Variants in LY75 observed in about 807,000 individuals in gnomAD.
LY75 encodes lymphocyte antigen 75.
LY75 carries 185 observed loss-of-function variants against 231.7 expected under a neutral mutation model. That is an observed-to-expected ratio of 0.80 (90% CI 0.71 to 0.90). The LOEUF (loss-of-function observed/expected upper bound fraction) is 0.90, where lower values mean the gene tolerates loss of function less well. Among genes scored for constraint, LY75 ranks in the 40% least tolerant of loss-of-function variants. LY75 has a pLI of 0.00. For missense variants in LY75, 1,947 were observed against 2,050.2 expected (o/e 0.95, Z 0.97); for synonymous variants, 668 against 689.0 (o/e 0.97, Z 0.48).
Position 159,890,194 on chromosome 2 carries a change from A to G in LY75, c.802+19T>C. 6.2e-7 allele frequency: 1 copy of G among 1,604,314 alleles called. No homozygotes were observed. Among genetic ancestry groups the G allele is most frequent in the Non-Finnish European group, 8.5e-7 (1 of 1,175,764 alleles). On this transcript the variant is annotated intron_variant, in intron 4 of 34. Coordinates refer to ENST00000263636, the MANE Select transcript of LY75 (RefSeq NM_002349.4). Reference sequence around the variant, plus strand: ...ACAATTTTAGCCAATTTGCTCTATCACATGCAAATAAAATCTACCTTTAAG... The same window carrying G: ...ACAATTTTAGCCAATTTGCTCTATCGCATGCAAATAAAATCTACCTTTAAG...
chr2:159,886,170 G>A (rs1296736457), intron 5 of LY75, among the ~76,000 whole-genome samples: 1 of 152,106 alleles, frequency 6.6e-6, no homozygotes, highest in African/African-American at 2.4e-5. Context: ...AGCTCATTTT[G>A]CTCTTACATA....
At chr2:159,861,725 G>T (rs912776247) in intron 14 of LY75, among the ~76,000 whole-genome samples, 2 of 152,118 alleles carry the variant, frequency 1.3e-5, no homozygotes, top group East Asian at 3.8e-4. Context: ...GTGACACAGT[G>T]AGACTCTGTC....
At chr2:159,833,154 G>A (rs1225179082) in intron 27 of LY75, among the ~76,000 whole-genome samples, 2 of 138,698 alleles carry the variant, frequency 1.4e-5, no homozygotes, top group Non-Finnish European at 3.0e-5. Context: ...TTTGGAGATA[G>A]GGTCACCTGT....
intron 23 of LY75, among the ~76,000 whole-genome samples, 184 bp from the exon 24 acceptor site, chr2:159,842,558 T>C (rs939736421): frequency 5.3e-5 from 8 of 152,062 alleles, no homozygotes; most frequent in African/African-American, 1.9e-4. Flanking sequence ...GCAATTAACT[T>C]TATAAAAAAC....
At chr2:159,814,524 A>C (rs1488051691) in intron 31 of LY75, among the ~76,000 whole-genome samples, 1 of 151,778 alleles carries the variant, frequency 6.6e-6, no homozygotes, top group Non-Finnish European at 1.5e-5. Context: ...GTGTGGTGGC[A>C]TGTGTATGTG....
At chr2:159,879,473 A>G (rs1685372614) in intron 8 of LY75, 104 bp from the exon 9 acceptor site, 2 of 1,475,412 alleles carry the variant, frequency 1.4e-6, no homozygotes, top group Non-Finnish European at 1.8e-6. Context: ...AGAGAAATGA[A>G]TATAAGTGAA....
At chr2:159,860,767 A>C (rs1445489245) in intron 15 of LY75, 54 bp downstream of exon 15, 1 of 1,599,256 alleles carries the variant, frequency 6.3e-7, no homozygotes, top group African/African-American at 1.3e-5. Flanking sequence ...ACTTGACTGC[A>C]TATGATGATG....
intron 3 of LY75, among the ~76,000 whole-genome samples, chr2:159,891,261 A>C (rs1182922238): frequency 6.6e-6 from 1 of 152,210 alleles, no homozygotes; most frequent in Admixed American, 6.5e-5. Context: ...CTTATTTAAC[A>C]GACAGGAACA....
intron 3 of LY75, among the ~76,000 whole-genome samples, chr2:159,890,610 A>G (rs1217200099): frequency 1.3e-5 from 2 of 152,054 alleles, no homozygotes; most frequent in African/African-American, 2.4e-5. Flanking sequence ...TTCTCCTTTT[A>G]TCCCTATCAA....
At chr2:159,821,414 G>A (rs1301311561) in intron 28 of LY75, among the ~76,000 whole-genome samples, 2 of 151,810 alleles carry the variant, frequency 1.3e-5, no homozygotes, top group African/African-American at 4.8e-5. Context: ...TCAGGAGTTC[G>A]AGACCAGCCT....
Position 159,806,210 on chromosome 2 carries a change from C to CA in LY75, c.4990+762dup, listed in dbSNP as rs144887252. Among the ~76,000 whole-genome samples the CA allele has an allele frequency of 3.6e-3, 554 of 152,216 alleles. 8 individuals are homozygous for CA. The highest frequency in any genetic ancestry group is 0.013 in the African/African-American group (535 of 41,526). On this transcript the variant is annotated intron_variant, in intron 34 of 34. Coordinates refer to ENST00000263636, the MANE Select transcript of LY75 (RefSeq NM_002349.4). ...GACCTGTTTACTTATCTTTCTTCAC[C>CA]AGATTGTAATCTCTGTGAGAACAGG...
chr2:159,862,757 G>A (rs1319555593), intron 14 of LY75, among the ~76,000 whole-genome samples: 1 of 152,096 alleles, frequency 6.6e-6, no homozygotes, highest in African/African-American at 2.4e-5. Context: ...ATTGTGGACT[G>A]ACTAAATTTA....
At chr2:159,852,910 C>T (rs1361532182) in intron 20 of LY75, among the ~76,000 whole-genome samples, 2 of 152,070 alleles carry the variant, frequency 1.3e-5, no homozygotes, top group Non-Finnish European at 2.9e-5. Context: ...CCATACCATC[C>T]CAGGGTGAAG....
chr2:159,872,529 G>T lies in LY75; in HGVS notation c.2039C>A (p.Ala680Asp). ...GAAGCTAGAAAGGTGTGCTCCAAGG[G>T]CTTGGCAGAATCGTTCAGCTTCTTC... The part of the protein sequence containing the change: ...NWEEAERFCQ[A>D]LGAHLSSFSH... Residue 680 changes from alanine to aspartate, a missense_variant, in exon 13 of 35, where the codon GCC becomes GAC. Ala to Asp is a moderately radical substitution (Grantham distance 126, BLOSUM62 -2). Coordinates refer to ENST00000263636, the MANE Select transcript of LY75 (RefSeq NM_002349.4). 2 of 1,613,950 alleles carry T rather than the reference G, an allele frequency of 1.2e-6. No individual in the cohort carries two copies. The highest frequency in any genetic ancestry group is 8.5e-7 in the Non-Finnish European group (1 of 1,179,928).
At chr2:159,884,344 T>A (rs569638893) in intron 6 of LY75, among the ~76,000 whole-genome samples, 1 of 152,154 alleles carries the variant, frequency 6.6e-6, no homozygotes, top group African/African-American at 2.4e-5. Context: ...GAGGATGTAA[T>A]TAAATACCAG....
chr2:159,862,401 T>G (rs1684735215), intron 14 of LY75, among the ~76,000 whole-genome samples: 1 of 151,778 alleles, frequency 6.6e-6, no homozygotes, highest in African/African-American at 2.4e-5. Flanking sequence ...AAGGTTGTAG[T>G]GAGTTGAGAT....
intron 23 of LY75, among the ~76,000 whole-genome samples, chr2:159,848,093 T>TATATATACACACACACACACACAC: frequency 3.5e-4 from 10 of 28,554 alleles, no homozygotes; most frequent in African/African-American, 5.5e-4. Flanking sequence ...TATATATATA[T>TATATATACACACACACACACACAC]ACACACACAC....
chr2:159,842,071 A>G (rs1351283673), intron 24 of LY75, among the ~76,000 whole-genome samples, 174 bp downstream of exon 24: 2 of 152,086 alleles, frequency 1.3e-5, no homozygotes, highest in African/African-American at 2.4e-5. Flanking sequence ...TACAGGGGGT[A>G]CATGTGTAGG....
In LY75 at chr2:159,875,251, G is replaced by C. The variant is rs2271378; in HGVS notation, c.1974+193C>G. Among the ~76,000 whole-genome samples, 2,282 of 151,924 alleles carry C rather than the reference G, an allele frequency of 0.015. 108 individuals are homozygous for C. In the East Asian group the frequency reaches 0.16, roughly 11 times the overall value. On this transcript the variant is annotated intron_variant, in intron 12 of 34. Transcript: ENST00000263636. ...GCTTTGGGCCTGCCCTTTCAGGTAG[G>C]ACACGTGCAGGGTGTGGGGCTGAGG...
Sources: gnomAD v4.1 joint callset for allele counts (sites outside exome capture counted in the v4.1 genomes callset) on GRCh38, gnomAD v4.1.1 for gene constraint, MANE v1.5 for transcripts, NCBI Gene and HGNC (gene_info 2026-07-23, HGNC 2026-07-21) for gene names.